The following CCNG2 variants were observed in gnomAD, a reference collection of about 807,000 sequenced individuals.
CCNG2 encodes the protein cyclin-G2.
A neutral mutation model predicts 36.5 loss-of-function variants in CCNG2; 20 were observed. The ratio of observed to expected loss-of-function variants is 0.55; its 90% CI spans 0.39 to 0.80. The LOEUF (loss-of-function observed/expected upper bound fraction) is 0.80. Among genes scored for constraint, CCNG2 ranks in the 30% least tolerant of loss-of-function variants. The pLI, the probability that CCNG2 is intolerant of heterozygous loss-of-function variation, is 0.00. For missense variants in CCNG2, 358 were observed against 390.8 expected (o/e 0.92, Z 0.71); for synonymous variants, 155 against 140.1 (o/e 1.11, Z -0.75).
At position 77,161,570 on chromosome 4, in the gene CCNG2, C is replaced by G; in HGVS notation, c.606+12C>G. 1.9e-6 allele frequency: 3 copies of G among 1,601,468 alleles called. No homozygotes were observed. The highest frequency in any genetic ancestry group is 1.1e-5 in the South Asian group (1 of 89,082). On this transcript the variant is annotated intron_variant, in intron 5 of 7. Transcript: ENST00000316355. The stretch of plus-strand genomic sequence containing the variant: ...TTTCAAAAGCAAAAGTAAGTCGATT[C>G]CTTGCTTATGTATATATCTCACAGT...
In CCNG2 at chr4:77,168,552, C is replaced by T. The variant is rs1244652377; in HGVS notation, c.*2628C>T. ...TCTGGCCTTTTTTTCTTGTCATTTC[C>T]TAGACCTTAAAAAATGTGTATTGAG... is the stretch of plus-strand genomic sequence containing the variant. On this transcript the variant is annotated 3_prime_UTR_variant, in exon 8 of 8. Transcript: ENST00000316355. The T allele has an allele frequency of 3.3e-5, 5 of 152,068 alleles. No homozygotes were observed. The highest frequency in any genetic ancestry group is 4.8e-5 in the African/African-American group (2 of 41,378). 9.4% of individuals were successfully genotyped at this position (152,068 alleles called of 1,614,324 possible).
chr4:77,164,479 G>A lies in CCNG2; in HGVS notation c.911G>A (p.Ser304Asn). 6.2e-7 allele frequency: 1 copy of A among 1,611,976 alleles called. No individual in the cohort carries two copies. The highest frequency in any genetic ancestry group is 8.5e-7 in the Non-Finnish European group (1 of 1,178,240). ...GGGGGTTGTTTTGATGAAAGTGAAA[G>A]GTAGGCAGGTTCCTTGACTAATTAA... is the stretch of plus-strand genomic sequence containing the variant. ...PEGGCFDESE[S>N]EDSCEDMSCG... Residue 304 changes from serine (S) to asparagine (N), a missense_variant and splice_region_variant, in exon 7 of 8, where the codon AGT becomes AAT. Coordinates refer to ENST00000316355, the MANE Select transcript of CCNG2 (RefSeq NM_004354.3).
At chr4:77,164,628 A>G (rs1401032306) in intron 7 of CCNG2, 149 bp downstream of exon 7, 22 of 578,736 alleles carry the variant, frequency 3.8e-5, no homozygotes, top group Admixed American at 1.6e-4. Flanking sequence ...CAGGTAAGCA[A>G]ATTAACCAGA....
intron 6 of CCNG2, among the ~76,000 whole-genome samples, chr4:77,162,449 C>A (rs1425688085): frequency 8.1e-6 from 1 of 123,692 alleles, no homozygotes; most frequent in East Asian, 2.6e-4. Context: ...GTGGCATGAT[C>A]TTGGCTCACC....
rs1731676862 is a variant in CCNG2, at chr4:77,168,179, A to G, written c.*2255A>G. The stretch of plus-strand genomic sequence containing the variant: ...TCTCAGCGAATAATTCCATCTATTC[A>G]TGTTGGAAACTTAGGTGATATGCTC... On this transcript the variant is annotated 3_prime_UTR_variant, in exon 8 of 8. Transcript: ENST00000316355. The G allele has an allele frequency of 6.6e-6, 1 of 152,182 alleles. No homozygotes were observed. Among genetic ancestry groups the G allele is most frequent in the Non-Finnish European group, 1.5e-5 (1 of 68,040 alleles). The allele number at this position is 152,182 out of a possible 1,614,324, so 9.4% of individuals were successfully genotyped here.
chr4:77,161,097 ATCTT>A, intron 4 of CCNG2, 126 bp downstream of exon 4: 2 of 475,138 alleles, frequency 4.2e-6, no homozygotes, highest in Non-Finnish European at 6.6e-6. Context: ...TTATTGGTAA[ATCTT>A]TTTTTTTTTT....
At chr4:77,159,172 A>C (rs1731356410) in intron 2 of CCNG2, among the ~76,000 whole-genome samples, 195 bp from the exon 3 acceptor site, 1 of 152,224 alleles carries the variant, frequency 6.6e-6, no homozygotes, top group Non-Finnish European at 1.5e-5. Context: ...AGAAGCAGTG[A>C]TTTACGTCTT....
intron 4 of CCNG2, 37 bp from the exon 5 acceptor site, chr4:77,161,442 TG>T (rs1205376922): frequency 2.1e-6 from 3 of 1,410,182 alleles, no homozygotes; most frequent in Non-Finnish European, 2.9e-6. Flanking sequence ...TTTAAATCTT[TG>T]GAAGTTTAAT....
At chr4:77,165,105 C>CT (rs1470670078) in intron 7 of CCNG2, 18 of 152,190 alleles carry the variant, frequency 1.2e-4, no homozygotes, top group African/African-American at 4.1e-4. Flanking sequence ...AATTTGATTA[C>CT]TTTGTTTGTA....
At position 77,159,445 on chromosome 4, in the gene CCNG2, T is replaced by C; in HGVS notation, c.217T>C (p.Cys73Arg). Reference protein sequence around the residue: ...LRSLANFFGSCTETFVLAVNI... With the variant: ...LRSLANFFGSRTETFVLAVNI... ...GAGTTTAGCCAACTTTTTTGGATCT[T>C]GCACTGAAACTTTTGTCCTGGCTGT... Residue 73 changes from cysteine (C) to arginine (R), a missense_variant, in exon 3 of 8, where the codon TGC becomes CGC. Transcript: ENST00000316355. 1 of 1,614,048 alleles carries C rather than the reference T, an allele frequency of 6.2e-7. No homozygotes were observed.
rs1333012600 is a variant in CCNG2, at chr4:77,170,017, A to G, written c.*4093A>G. 1 of 152,094 alleles carries G rather than the reference A, an allele frequency of 6.6e-6. No homozygotes were observed. Among genetic ancestry groups the G allele is most frequent in the African/African-American group, 2.4e-5 (1 of 41,390 alleles). The allele number at this position is 152,094 out of a possible 1,614,324, so 9.4% of individuals were successfully genotyped here. A position where few individuals can be genotyped will look rare whatever the true frequency, so the allele number is the denominator to read the frequency against. On this transcript the variant is annotated 3_prime_UTR_variant, in exon 8 of 8. Transcript: ENST00000316355. The stretch of plus-strand genomic sequence containing the variant: ...CCTTTTTTTCCTAAAATTGATTTGA[A>G]TTATTAGTGTATTAACAGAATAAAG...
chr4:77,167,028 CTT>C lies in CCNG2; in HGVS notation c.*1105_*1106del, dbSNP rs1446819886. On this transcript the variant is annotated 3_prime_UTR_variant, in exon 8 of 8. Transcript: ENST00000316355. ...TACATAAAATACTGTATTTTTTTAC[CTT>C]GTGTGTGATAGTCTAGTCATTGCAT... 6.6e-6 allele frequency: 1 copy of C among 151,524 alleles called. No individual in the cohort carries two copies. The highest frequency in any genetic ancestry group is 1.5e-5 in the Non-Finnish European group (1 of 67,850). 9.4% of individuals were successfully genotyped at this position (151,524 alleles called of 1,614,324 possible).
chr4:77,157,912 C>T (rs1731309513), intron 1 of CCNG2, among the ~76,000 whole-genome samples: 1 of 152,058 alleles, frequency 6.6e-6, no homozygotes, highest in East Asian at 1.9e-4. Flanking sequence ...CTCCCCGGAC[C>T]GTAGCCGGGT....
chr4:77,164,217 A>G (rs1731561633), intron 6 of CCNG2, 57 bp from the exon 7 acceptor site: 2 of 1,305,728 alleles, frequency 1.5e-6, no homozygotes, highest in East Asian at 2.3e-5. Context: ...AGTGATTCCA[A>G]GGTGCAGCAA....
In CCNG2 at chr4:77,160,741, T is replaced by A. The variant is rs1324998605; in HGVS notation, c.297T>A (p.Ser99=). The A allele has an allele frequency of 6.2e-7, 1 of 1,613,044 alleles. No homozygotes were observed. The highest frequency in any genetic ancestry group is 1.1e-5 in the South Asian group (1 of 90,616). Reference sequence around the variant, plus strand: ...CTCAGGTGAAACCTAAACATTTGTCTTGCATTGGAGTCTGTTCTTTTTTGC... The same window carrying A: ...CTCAGGTGAAACCTAAACATTTGTCATGCATTGGAGTCTGTTCTTTTTTGC... The part of the protein sequence containing the change: ...ALMKVKPKHL[S]CIGVCSFLLA... The change falls in exon 4 of 8, where the codon TCT becomes TCA. Residue 99 remains serine (S), a synonymous_variant. Transcript: ENST00000316355.
At position 77,158,668 on chromosome 4, in the gene CCNG2, G is replaced by C; in HGVS notation, c.136G>C (p.Glu46Gln). The change falls in exon 2 of 8, where the codon GAG becomes CAG. Residue 46 changes from glutamate (E) to glutamine (Q), a missense_variant and splice_region_variant. Physicochemically the swap from Glu to Gln is conservative, Grantham distance 29 (BLOSUM62 2). Coordinates refer to ENST00000316355, the MANE Select transcript of CCNG2 (RefSeq NM_004354.3). ...GCTGAGTTTGATTGAGGCTACCCCGGAGGTAAGTTGGCAGAAAAGATAACT... is the reference window on the plus strand; with the variant it reads ...GCTGAGTTTGATTGAGGCTACCCCGCAGGTAAGTTGGCAGAAAAGATAACT... ...KGLSLIEATPENDNTLCPGLR... is the reference protein window; with the variant it reads ...KGLSLIEATPQNDNTLCPGLR... 1 of 1,614,068 alleles carries C rather than the reference G, an allele frequency of 6.2e-7. No homozygotes were observed. The highest frequency in any genetic ancestry group is 1.1e-5 in the South Asian group (1 of 91,082).
At chr4:77,161,842 CTT>C (rs1450680404) in intron 6 of CCNG2, 95 bp downstream of exon 6, 16 of 725,972 alleles carry the variant, frequency 2.2e-5, no homozygotes, top group Non-Finnish European at 3.0e-5. Flanking sequence ...TTATGGGACT[CTT>C]AACTTTTACA....
intron 1 of CCNG2, among the ~76,000 whole-genome samples, chr4:77,158,010 G>C (rs1031497474): frequency 6.6e-6 from 1 of 152,064 alleles, no homozygotes; most frequent in Non-Finnish European, 1.5e-5. Flanking sequence ...GACGGGAAAA[G>C]CTGGGGGCGG....
rs568308069 is a variant in CCNG2 at position 77,157,231 on chromosome 4, G to T, written c.-276G>T. ...AACTCTTAACAAAAACAAGGGGCTCGGGGAGGTTTCCGCTGAGGCGGCGGG... is the reference window on the plus strand; with the variant it reads ...AACTCTTAACAAAAACAAGGGGCTCTGGGAGGTTTCCGCTGAGGCGGCGGG... On this transcript the variant is annotated 5_prime_UTR_variant, in exon 1 of 8. Transcript: ENST00000316355. 6.6e-6 allele frequency: 1 copy of T among 152,292 alleles called. No individual in the cohort carries two copies. The highest frequency in any genetic ancestry group is 1.5e-5 in the Non-Finnish European group (1 of 68,106). The allele number at this position is 152,292 out of a possible 1,614,324, so 9.4% of individuals were successfully genotyped here. A position where few individuals can be genotyped will look rare whatever the true frequency, so the allele number is the denominator to read the frequency against.
Sources: allele counts gnomAD v4.1 joint callset (sites outside exome capture counted in the v4.1 genomes callset), GRCh38; gene constraint gnomAD v4.1.1; transcripts MANE v1.5; gene names NCBI Gene and HGNC (gene_info 2026-07-23, HGNC 2026-07-21).